Variants in PPP1R16B observed in about 807,000 individuals in gnomAD.
The protein encoded by PPP1R16B is protein phosphatase 1 regulatory inhibitor subunit 16B.
In PPP1R16B, 14 loss-of-function variants were observed where a neutral mutation model predicts 61.7. That is an observed-to-expected ratio of 0.23 (90% CI 0.15 to 0.35). PPP1R16B has a LOEUF of 0.35. PPP1R16B is among the 10% of genes least tolerant of loss of function. The pLI, the probability that PPP1R16B is intolerant of heterozygous loss-of-function variation, is 1.00. For missense variants in PPP1R16B, 547 were observed against 752.5 expected (o/e 0.73, Z 3.19); for synonymous variants, 266 against 305.3 (o/e 0.87, Z 1.34).
chr20:38,872,590 G>A (rs1349793382), intron 2 of PPP1R16B, among the ~76,000 whole-genome samples: 1 of 152,174 alleles, frequency 6.6e-6, no homozygotes. Context: ...GGCTGGGGTA[G>A]GGCCACCGGA....
At chr20:38,882,576 T>C (rs953959041) in intron 2 of PPP1R16B, among the ~76,000 whole-genome samples, 3 of 152,208 alleles carry the variant, frequency 2.0e-5, no homozygotes, top group African/African-American at 7.2e-5. Context: ...GTCACAATCA[T>C]TGCTTTTTAT....
At chr20:38,908,246 C>G in intron 10 of PPP1R16B, 53 bp downstream of exon 10, 1 of 1,602,778 alleles carries the variant, frequency 6.2e-7, no homozygotes, top group South Asian at 1.1e-5. Context: ...GGGAGGAGAA[C>G]AGGGCCCAGC....
chr20:38,908,869 G>A (rs748284838), intron 10 of PPP1R16B, among the ~76,000 whole-genome samples: 3 of 152,230 alleles, frequency 2.0e-5, no homozygotes, highest in Admixed American at 1.3e-4. Flanking sequence ...AGGGGATTCT[G>A]TTCCACGCCT....
At position 38,895,877 on chromosome 20, in the gene PPP1R16B, T is replaced by C. The variant is rs528458399; in HGVS notation, c.467+167T>C. 5.9e-5 allele frequency among the ~76,000 whole-genome samples: 7 copies of C among 119,172 alleles called. 1 individual carries two copies. The highest frequency in any genetic ancestry group is 2.1e-4 in the African/African-American group (6 of 28,758). 78.2% of individuals were successfully genotyped at this position (119,172 alleles called of 152,430 possible). A position where few individuals can be genotyped will look rare whatever the true frequency, so the allele number is the denominator to read the frequency against. On this transcript the variant is annotated intron_variant, in intron 4 of 10. Transcript: ENST00000299824. ...CTTCTTTCTTCCCTCCCTCCCTCCTTCCTTCTTTCTTCCCTCCCTCCCTCC... is the reference window on the plus strand; with the variant it reads ...CTTCTTTCTTCCCTCCCTCCCTCCTCCCTTCTTTCTTCCCTCCCTCCCTCC...
intron 1 of PPP1R16B, among the ~76,000 whole-genome samples, chr20:38,834,516 A>T (rs2084856754): frequency 2.0e-5 from 3 of 152,230 alleles, no homozygotes; most frequent in Admixed American, 2.0e-4. Flanking sequence ...AACTCATGAG[A>T]GCAAGGATGT....
intron 2 of PPP1R16B, among the ~76,000 whole-genome samples, chr20:38,865,414 C>T (rs1251000495): frequency 1.3e-5 from 2 of 152,112 alleles, no homozygotes; most frequent in East Asian, 1.9e-4. Flanking sequence ...CTCAGCCTTC[C>T]GAGTAGCTGG....
intron 2 of PPP1R16B, among the ~76,000 whole-genome samples, chr20:38,886,384 GC>G (rs569292734): frequency 5.2e-4 from 79 of 152,300 alleles, no homozygotes; most frequent in African/African-American, 1.8e-3. Flanking sequence ...CACAAACACT[GC>G]TTTTGGCAGC....
chr20:38,883,498 G>A (rs143170152), intron 2 of PPP1R16B, among the ~76,000 whole-genome samples: 2 of 152,382 alleles, frequency 1.3e-5, no homozygotes, highest in African/African-American at 4.8e-5. Flanking sequence ...TTGCCAGGGA[G>A]GTGTAGGCGG....
chr20:38,884,028 C>T (rs1382675231), intron 2 of PPP1R16B, among the ~76,000 whole-genome samples: 1 of 152,172 alleles, frequency 6.6e-6, no homozygotes, highest in Non-Finnish European at 1.5e-5. Context: ...CAAGAAGCTG[C>T]CCTGAGTGTG....
intron 10 of PPP1R16B, among the ~76,000 whole-genome samples, chr20:38,909,675 T>C (rs953872330): frequency 5.3e-5 from 8 of 152,218 alleles, no homozygotes; most frequent in Non-Finnish European, 7.3e-5. Context: ...CTACCGAGCA[T>C]GCCCACGTGT....
At chr20:38,859,277 C>A (rs1416359906) in intron 2 of PPP1R16B, among the ~76,000 whole-genome samples, 1 of 151,010 alleles carries the variant, frequency 6.6e-6, no homozygotes, top group Non-Finnish European at 1.5e-5. Flanking sequence ...CGGGGAGTGA[C>A]TGCTAGTGCG....
intron 3 of PPP1R16B, among the ~76,000 whole-genome samples, chr20:38,890,865 G>T (rs1158905515): frequency 6.6e-6 from 1 of 152,200 alleles, no homozygotes; most frequent in Non-Finnish European, 1.5e-5. Context: ...GGGCAGGGGT[G>T]GGATGCACAG....
At chr20:38,880,595 G>A (rs1324295232) in intron 2 of PPP1R16B, among the ~76,000 whole-genome samples, 3 of 152,174 alleles carry the variant, frequency 2.0e-5, no homozygotes, top group Non-Finnish European at 4.4e-5. Flanking sequence ...CTTGAGCCCT[G>A]GAGGTTGAGG....
chr20:38,885,166 C>G (rs1200202835), intron 2 of PPP1R16B, among the ~76,000 whole-genome samples: 1 of 151,398 alleles, frequency 6.6e-6, no homozygotes, highest in African/African-American at 2.4e-5. Flanking sequence ...CCAGCCTGGT[C>G]AACATAGTGA....
intron 4 of PPP1R16B, among the ~76,000 whole-genome samples, chr20:38,897,393 A>G (rs1025505183): frequency 7.2e-5 from 11 of 152,326 alleles, no homozygotes; most frequent in Admixed American, 4.6e-4. Flanking sequence ...ACTTAGCATA[A>G]TGTCCTCAAG....
chr20:38,921,745 G>A lies in PPP1R16B; in HGVS notation c.*3079G>A, dbSNP rs563568131. On this transcript the variant is annotated 3_prime_UTR_variant, in exon 11 of 11. Transcript: ENST00000299824. ...ACTGTTCTGCAATTTGCTGCCAAAT[G>A]CATCTCAGGTTTTTAAAGTCATTGT... 1.3e-5 allele frequency: 2 copies of A among 152,352 alleles called. No individual in the cohort carries two copies. Among genetic ancestry groups the A allele is most frequent in the African/African-American group, 4.8e-5 (2 of 41,594 alleles). 9.4% of individuals were successfully genotyped at this position (152,352 alleles called of 1,614,324 possible).
chr20:38,917,806 C>T (rs183315945), intron 10 of PPP1R16B, among the ~76,000 whole-genome samples: 4 of 152,288 alleles, frequency 2.6e-5, no homozygotes, highest in African/African-American at 9.6e-5. Context: ...TTACTACCCA[C>T]AGTTCCTACA....
At position 38,918,267 on chromosome 20, in the gene PPP1R16B, C is replaced by G; in HGVS notation, c.1305C>G (p.Tyr435Ter). 1 of 1,614,230 alleles carries G rather than the reference C, an allele frequency of 6.2e-7. No homozygotes were observed. The highest frequency in any genetic ancestry group is 8.5e-7 in the Non-Finnish European group (1 of 1,180,042). The change falls in exon 11 of 11, where the codon TAC (tyrosine) becomes TAG (stop). Residue 435 changes from tyrosine (Y) to a stop codon, truncating the protein, a stop_gained. Coordinates refer to ENST00000299824, the MANE Select transcript of PPP1R16B (RefSeq NM_015568.4). LOFTEE classifies it high-confidence loss of function. This position sits in a 1 kb window ranked among gnomAD's most constrained non-coding sequence, Gnocchi z 5.3. ...GCCTCCGGGCTCCGGTCAGTGCCTACCAGTATGCGCTGGCCAACGGGGATG... is the reference window on the plus strand; with the variant it reads ...GCCTCCGGGCTCCGGTCAGTGCCTAGCAGTATGCGCTGGCCAACGGGGATG... ...ENGLRAPVSAYQYALANGDVW... is the reference protein window; with the variant it reads ...ENGLRAPVSA
Position 38,806,454 on chromosome 20 carries a change from G to A in PPP1R16B, c.-102+662G>A, listed in dbSNP as rs960996096. Among the ~76,000 whole-genome samples the A allele has an allele frequency of 6.6e-6, 1 of 152,074 alleles. No homozygotes were observed. The highest frequency in any genetic ancestry group is 6.5e-5 in the Admixed American group (1 of 15,286). On this transcript the variant is annotated intron_variant, in intron 1 of 10. Coordinates refer to ENST00000299824, the MANE Select transcript of PPP1R16B (RefSeq NM_015568.4). The surrounding 1 kb of genome is among the most constrained non-coding windows in gnomAD (Gnocchi z 4.5). Reference sequence around the variant, plus strand: ...CGCCCGGCCTCTCCCAGGGCCCCGTGCGCCGGCGGCTGGGTCCCCCGCGCC... The same window carrying A: ...CGCCCGGCCTCTCCCAGGGCCCCGTACGCCGGCGGCTGGGTCCCCCGCGCC...
Sources: gnomAD v4.1 joint callset for allele counts (sites outside exome capture counted in the v4.1 genomes callset) on GRCh38, gnomAD v4.1.1 for gene constraint, Gnocchi (gnomAD v3.1) non-coding constraint, MANE v1.5 for transcripts, NCBI Gene and HGNC (gene_info 2026-07-23, HGNC 2026-07-21) for gene names.